The following AGBL1 variants were observed in gnomAD, a reference collection of about 807,000 sequenced individuals.
AGBL1 encodes AGBL carboxypeptidase 1.
A neutral mutation model predicts 118.9 loss-of-function variants in AGBL1; 130 were observed. That is an observed-to-expected ratio of 1.09 (90% CI 0.95 to 1.26). The LOEUF is 1.26. AGBL1 is among the 50% of genes most tolerant of loss of function. AGBL1 has a pLI of 0.00. For missense variants in AGBL1, 1,584 were observed against 1,298.1 expected (o/e 1.22, Z -3.38); for synonymous variants, 555 against 478.9 (o/e 1.16, Z -2.08).
intron 24 of AGBL1, among the ~76,000 whole-genome samples, chr15:87,012,214 C>G (rs2081567666): frequency 7.2e-6 from 1 of 139,020 alleles, no homozygotes; most frequent in Admixed American, 7.0e-5. Flanking sequence ...CACACACACA[C>G]ACACACACAC....
chr15:86,583,223 A>G (rs950556073), intron 21 of AGBL1, among the ~76,000 whole-genome samples: 1 of 151,978 alleles, frequency 6.6e-6, no homozygotes, highest in Non-Finnish European at 1.5e-5. Context: ...GAGTATATTG[A>G]GTGATGCTGA....
chr15:86,249,025 T>A (rs1204692876), intron 7 of AGBL1, among the ~76,000 whole-genome samples: 1 of 152,162 alleles, frequency 6.6e-6, no homozygotes, highest in Non-Finnish European at 1.5e-5. Context: ...AGCACCCCAC[T>A]GGAATATGCA....
chr15:86,570,187 G>T (rs548490978), intron 21 of AGBL1, among the ~76,000 whole-genome samples: 2 of 152,156 alleles, frequency 1.3e-5, no homozygotes, highest in African/African-American at 4.8e-5. Context: ...GCATAAAATG[G>T]GGTGCACCCC....
chr15:86,265,466 C>T (rs1215620021), intron 11 of AGBL1, among the ~76,000 whole-genome samples: 3 of 152,056 alleles, frequency 2.0e-5, no homozygotes, highest in African/African-American at 7.2e-5. Flanking sequence ...ATGAAAACTG[C>T]TAAAGGCAAA....
chr15:86,719,099 A>G (rs2086679661), intron 22 of AGBL1, among the ~76,000 whole-genome samples: 1 of 152,164 alleles, frequency 6.6e-6, no homozygotes, highest in Non-Finnish European at 1.5e-5. Context: ...ATACCATCAA[A>G]ATTTAGTAAG....
chr15:86,617,902 A>T (rs146737154), intron 21 of AGBL1, among the ~76,000 whole-genome samples: 70 of 152,324 alleles, frequency 4.6e-4, no homozygotes, highest in Non-Finnish European at 5.7e-4. Flanking sequence ...AAAACATATT[A>T]TTCCTATTGG....
chr15:86,719,478 A>G (rs1038494173), intron 22 of AGBL1, among the ~76,000 whole-genome samples: 2 of 152,198 alleles, frequency 1.3e-5, no homozygotes, highest in African/African-American at 4.8e-5. Flanking sequence ...CATCAGGAGT[A>G]AAGCCCTCTT....
chr15:86,566,543 A>T (rs1209430352), intron 21 of AGBL1, among the ~76,000 whole-genome samples: 3 of 152,054 alleles, frequency 2.0e-5, no homozygotes, highest in African/African-American at 2.4e-5. Context: ...TATAGCAGGG[A>T]ACCTCCTAGG....
intron 18 of AGBL1, among the ~76,000 whole-genome samples, chr15:86,472,436 T>A (rs1247292268): frequency 2.6e-5 from 4 of 152,192 alleles, no homozygotes; most frequent in Non-Finnish European, 1.5e-5. Flanking sequence ...TATAATTACA[T>A]CTTTGTGTGC....
At chr15:86,528,382 A>G (rs2083297697) in intron 19 of AGBL1, among the ~76,000 whole-genome samples, 1 of 152,228 alleles carries the variant, frequency 6.6e-6, no homozygotes, top group Non-Finnish European at 1.5e-5. Context: ...TCCCACCCGA[A>G]TATTGCGCTT....
rs74026907 is a variant in AGBL1, at chr15:86,573,475, T to C, written c.2994+18938T>C. Among the ~76,000 whole-genome samples the C allele has an allele frequency of 6.6e-3, 1,011 of 152,348 alleles. 11 individuals carry two copies. The highest frequency in any genetic ancestry group is 0.023 in the African/African-American group (964 of 41,590). On this transcript the variant is annotated intron_variant, in intron 21 of 22. Coordinates refer to ENST00000614907, the MANE Select transcript of AGBL1 (RefSeq NM_001386094.1). ...GAAATGTTGGTTGTGTATGTGTGTG[T>C]GTATGAAACTGGAAAAGGTAACATC...
intron 21 of AGBL1, among the ~76,000 whole-genome samples, chr15:86,636,731 A>G: frequency 2.1e-5 from 1 of 48,494 alleles, no homozygotes; most frequent in East Asian, 1.7e-3. Context: ...ATATATATAT[A>G]TATATATATA....
chr15:87,011,601 A>G (rs2141781782), intron 24 of AGBL1, among the ~76,000 whole-genome samples: 1 of 152,296 alleles, frequency 6.6e-6, no homozygotes, highest in South Asian at 2.1e-4. Context: ...GTTTGTGGGT[A>G]CAGTCATTAT....
chr15:86,918,158 T>A (rs967904500), downstream of AGBL1, among the ~76,000 whole-genome samples: 3 of 152,196 alleles, frequency 2.0e-5, no homozygotes, highest in African/African-American at 7.2e-5. Context: ...ATGATAATAA[T>A]CAACTTACCA....
rs560663732 is a variant in AGBL1, at chr15:86,658,612, G to A, written c.2995-15661G>A. On this transcript the variant is annotated intron_variant, in intron 21 of 22. Transcript: ENST00000614907. ...CTCCTGGACCTTGGTTTTGGCCAGT[G>A]TTTCTCATTTGTAGACTGACTCTTA... Among the ~76,000 whole-genome samples the A allele has an allele frequency of 3.9e-5, 6 of 152,246 alleles. No homozygotes were observed. In the East Asian group the frequency reaches 1.2e-3, roughly 29 times the overall value.
At chr15:86,323,010 G>T (rs2080128053) in intron 17 of AGBL1, among the ~76,000 whole-genome samples, 2 of 152,150 alleles carry the variant, frequency 1.3e-5, no homozygotes, top group South Asian at 4.1e-4. Flanking sequence ...CCTGGGATCT[G>T]TGGAGTTGTC....
chr15:86,091,964 A>T (rs559671149), intron 1 of AGBL1, among the ~76,000 whole-genome samples: 1 of 152,108 alleles, frequency 6.6e-6, no homozygotes, highest in Non-Finnish European at 1.5e-5. Context: ...GACAATCTAA[A>T]CTAGGTGGTA....
intron 18 of AGBL1, among the ~76,000 whole-genome samples, chr15:86,499,197 T>C (rs1049899592): frequency 6.6e-5 from 10 of 151,918 alleles, no homozygotes; most frequent in African/African-American, 2.4e-4. Flanking sequence ...TAGACACAAT[T>C]ATAACCACAA....
intron 22 of AGBL1, among the ~76,000 whole-genome samples, chr15:86,791,482 G>A (rs1302036020): frequency 2.6e-5 from 4 of 152,038 alleles, no homozygotes; most frequent in Non-Finnish European, 4.4e-5. Context: ...AGGAAAGCTG[G>A]CCACAATGGC....
Sources: allele counts gnomAD v4.1 joint callset (sites outside exome capture counted in the v4.1 genomes callset), GRCh38; gene constraint gnomAD v4.1.1; transcripts MANE v1.5; gene names NCBI Gene and HGNC (gene_info 2026-07-23, HGNC 2026-07-21).